The following ACAA2 variants were observed in gnomAD, a reference collection of about 807,000 sequenced individuals.
The protein encoded by ACAA2 is acetyl-CoA acyltransferase 2.
Under a neutral mutation model 44.8 loss-of-function variants are expected in ACAA2, and 35 were observed. The observed-to-expected ratio is 0.78, with a 90% CI of 0.60 to 1.04. The LOEUF (loss-of-function observed/expected upper bound fraction) is 1.04. ACAA2 is among the 50% of genes least tolerant of loss of function. The pLI is 0.00. For synonymous variants in ACAA2, 142 were observed against 166.5 expected (o/e 0.85, Z 1.13); for missense variants, 468 against 482.6 (o/e 0.97, Z 0.28).
chr18:49,787,270 A>AAAAAC (rs1555789752), intron 8 of ACAA2, 21 bp downstream of exon 8: 11 of 1,428,856 alleles, frequency 7.7e-6, no homozygotes, highest in East Asian at 2.7e-5. Context: ...TAAAAAAAAA[A>AAAAAC]AAAAAAAAAA....
intron 2 of ACAA2, among the ~76,000 whole-genome samples, chr18:49,799,363 C>T (rs975397505): frequency 1.5e-4 from 22 of 151,666 alleles, no homozygotes; most frequent in East Asian, 3.9e-4. Context: ...TGCAGGCACG[C>T]GCCGCCACGC....
At position 49,790,684 on chromosome 18, in the gene ACAA2, C is replaced by T. The variant is rs576932268; in HGVS notation, c.883+786G>A. On this transcript the variant is annotated intron_variant, in intron 7 of 9. Coordinates refer to ENST00000285093, the MANE Select transcript of ACAA2 (RefSeq NM_006111.3). ...GACAGGAACTATTAAAATTCAGCATCGTGTGTGGTTCCTAGGAGTGCATCC... is the reference window on the plus strand; with the variant it reads ...GACAGGAACTATTAAAATTCAGCATTGTGTGTGGTTCCTAGGAGTGCATCC... Among the ~76,000 whole-genome samples the T allele has an allele frequency of 4.6e-5, 7 of 152,284 alleles. No individual in the cohort carries two copies. The South Asian group carries it at 6.2e-4, about 14-fold the overall frequency.
chr18:49,802,975 G>T, intron 1 of ACAA2, 122 bp from the exon 2 acceptor site: 1 of 1,141,858 alleles, frequency 8.8e-7, no homozygotes, highest in Non-Finnish European at 1.3e-6. Flanking sequence ...TTTCTGTTAG[G>T]CAATAATACC....
chr18:49,786,290 A>G (rs1011731241), intron 8 of ACAA2: 3 of 152,234 alleles, frequency 2.0e-5, no homozygotes, highest in Admixed American at 2.0e-4. Context: ...AACCTAGGAA[A>G]ACTATGGTCT....
Position 49,802,704 on chromosome 18 carries a change from T to C in ACAA2, c.166A>G (p.Met56Val). ...VSPETVDSVI[M>V]GNVLQSSSDA... The stretch of plus-strand genomic sequence containing the variant: ...CTACTAACCTGCAGGACATTGCCCA[T>C]AATCACACTGTCAACTGTTTCAGGT... The change falls in exon 2 of 10, where the codon ATG (methionine) becomes GTG (valine). Residue 56 changes from methionine (M) to valine (V), a missense_variant. Met to Val is a conservative substitution (Grantham distance 21, BLOSUM62 1). Coordinates refer to ENST00000285093, the MANE Select transcript of ACAA2 (RefSeq NM_006111.3). 6.2e-7 allele frequency: 1 copy of C among 1,613,998 alleles called. No individual in the cohort carries two copies. The highest frequency in any genetic ancestry group is 8.5e-7 in the Non-Finnish European group (1 of 1,179,980).
chr18:49,794,195 T>TA, intron 5 of ACAA2, 85 bp downstream of exon 5: 3 of 1,019,840 alleles, frequency 2.9e-6, no homozygotes, highest in Non-Finnish European at 2.6e-6. Flanking sequence ...GATTTGTAAA[T>TA]ATTATATAAC....
intron 5 of ACAA2, among the ~76,000 whole-genome samples, chr18:49,793,064 C>A (rs894174999): frequency 6.6e-6 from 1 of 152,010 alleles, no homozygotes; most frequent in Non-Finnish European, 1.5e-5. Context: ...GGACTTAATA[C>A]CCCTTTTAAA....
rs55864039 is a variant in ACAA2, at chr18:49,801,785, C to CATATATATATATATATATAT, written c.183+882_183+901dup. ...CATAAGATATATCACAGAAACTGAT[C>CATATATATATATATATATAT]ATATATATATATATATATATATATA... On this transcript the variant is annotated intron_variant, in intron 2 of 9. Transcript: ENST00000285093. Among the ~76,000 whole-genome samples the CATATATATATATATATATAT allele has an allele frequency of 5.7e-3, 637 of 112,076 alleles. 9 individuals carry two copies. The highest frequency in any genetic ancestry group is 9.8e-3 in the South Asian group (30 of 3,054). 73.5% of individuals were successfully genotyped at this position (112,076 alleles called of 152,430 possible). A position where few individuals can be genotyped will look rare whatever the true frequency, so the allele number is the denominator to read the frequency against.
chr18:49,787,274 A>AAC lies in ACAA2; in HGVS notation c.954+16_954+17insGT. 6.9e-7 allele frequency: 1 copy of AAC among 1,439,828 alleles called. No individual in the cohort carries two copies. The highest frequency in any genetic ancestry group is 9.1e-7 in the Non-Finnish European group (1 of 1,096,818). The allele number at this position is 1,439,828 out of a possible 1,614,324, so 89.2% of individuals were successfully genotyped here. ...ATTCATGTTGTTAAAAAAAAAAAAA[A>AAC]AAAAAAAAACACTTACCTCTACCAA... On this transcript the variant is annotated intron_variant, in intron 8 of 9. Transcript: ENST00000285093.
intron 2 of ACAA2, among the ~76,000 whole-genome samples, chr18:49,800,867 G>A (rs529569706): frequency 6.1e-5 from 8 of 131,066 alleles, no homozygotes; most frequent in South Asian, 2.5e-4. Context: ...CCCCCTCTGC[G>A]AGAAACACCC....
chr18:49,805,660 T>A lies in ACAA2; in HGVS notation c.17-2807A>T, dbSNP rs533515943. On this transcript the variant is annotated intron_variant, in intron 1 of 9. Coordinates refer to ENST00000285093, the MANE Select transcript of ACAA2 (RefSeq NM_006111.3). ...CCCTGCAGCCTCGACCTCTGCAGCC[T>A]CGACTTTCCCAACTCAAGTGATCCC... Among the ~76,000 whole-genome samples the A allele has an allele frequency of 3.3e-5, 5 of 152,208 alleles. No homozygotes were observed. The East Asian group carries it at 9.6e-4, about 29-fold the overall frequency.
In ACAA2 at chr18:49,792,133, T is replaced by A. The variant is rs10502901; in HGVS notation, c.753+19A>T. Reference sequence around the variant, plus strand: ...ACACACCAGGAAGAATTCAAGCTAATCTGTGTGGTGATACCAACCGATGCA... The same window carrying A: ...ACACACCAGGAAGAATTCAAGCTAAACTGTGTGGTGATACCAACCGATGCA... On this transcript the variant is annotated intron_variant, in intron 6 of 9. Transcript: ENST00000285093. The A allele has an allele frequency of 0.075, 119,603 of 1,601,362 alleles. 10,564 individuals are homozygous for A. Among genetic ancestry groups the A allele is most frequent in the East Asian group, 0.35 (15,733 of 44,684 alleles).
At chr18:49,798,903 C>T (rs547027989) in intron 2 of ACAA2, among the ~76,000 whole-genome samples, 79 of 152,140 alleles carry the variant, frequency 5.2e-4, no homozygotes, top group African/African-American at 1.8e-3. Context: ...AAATTATTAA[C>T]AGATAAATAT....
intron 2 of ACAA2, among the ~76,000 whole-genome samples, chr18:49,799,202 AT>A (rs1401143884): frequency 6.6e-6 from 1 of 152,070 alleles, no homozygotes; most frequent in Non-Finnish European, 1.5e-5. Flanking sequence ...TCTATAAAAA[AT>A]CCACAGCTCT....
rs1435624089 is a variant in ACAA2, at chr18:49,809,620, T to C, written c.16+3849A>G. 2.0e-5 allele frequency among the ~76,000 whole-genome samples: 3 copies of C among 152,306 alleles called. No individual in the cohort carries two copies. In the East Asian group the frequency reaches 5.8e-4, roughly 29 times the overall value. On this transcript the variant is annotated intron_variant, in intron 1 of 9. Transcript: ENST00000285093. ...CATGTCGCTAAGTGAAAGAAGCCAGTCTGGAAAGGCCATATACTGTATGAT... is the reference window on the plus strand; with the variant it reads ...CATGTCGCTAAGTGAAAGAAGCCAGCCTGGAAAGGCCATATACTGTATGAT...
intron 5 of ACAA2, among the ~76,000 whole-genome samples, chr18:49,793,252 AATCT>A (rs1406437406): frequency 1.3e-5 from 2 of 152,246 alleles, no homozygotes; most frequent in African/African-American, 4.8e-5. Context: ...GTACTGTAGT[AATCT>A]ATAGCTTTGG....
chr18:49,788,681 A>T (rs1390269780), intron 7 of ACAA2, among the ~76,000 whole-genome samples: 1 of 152,222 alleles, frequency 6.6e-6, no homozygotes, highest in Non-Finnish European at 1.5e-5. Flanking sequence ...TAAAAGGTGG[A>T]CAATGTTCAG....
chr18:49,802,560 CAAAAAAAAA>C, intron 2 of ACAA2, 118 bp downstream of exon 2: 1 of 592,568 alleles, frequency 1.7e-6, no homozygotes, highest in Non-Finnish European at 2.4e-6. Flanking sequence ...GACTCCATCT[CAAAAAAAAA>C]AAAAAAAAGT....
At chr18:49,784,784 G>A (rs925510678) in intron 9 of ACAA2, among the ~76,000 whole-genome samples, 1 of 152,126 alleles carries the variant, frequency 6.6e-6, no homozygotes, top group African/African-American at 2.4e-5. Context: ...CCAAATGTCA[G>A]TTTGCTTAGA....
Sources: gnomAD v4.1 joint callset for allele counts (sites outside exome capture counted in the v4.1 genomes callset) on GRCh38, gnomAD v4.1.1 for gene constraint, MANE v1.5 for transcripts, NCBI Gene and HGNC (gene_info 2026-07-23, HGNC 2026-07-21) for gene names.